The following CSMD1 variants were observed in gnomAD, a reference collection of about 807,000 sequenced individuals.
CSMD1 encodes the protein CUB and sushi domain-containing protein 1.
A neutral mutation model predicts 417.5 loss-of-function variants in CSMD1; 213 were observed. The observed-to-expected ratio is 0.51, with a 90% confidence interval of 0.46 to 0.57. CSMD1 has a LOEUF of 0.57. Among genes scored for constraint, CSMD1 ranks in the 20% least tolerant of loss-of-function variants. The probability of loss-of-function intolerance (pLI) is 0.00; values close to 1 mark genes in which losing one functional copy is unlikely to be tolerated. For missense variants in CSMD1, 6,923 were observed against 4,529.7 expected (o/e 1.53, Z -15.17); for synonymous variants, 2,862 against 1,736.8 (o/e 1.65, Z -16.11).
At position 4,533,501 on chromosome 8, in the gene CSMD1, A is replaced by G. The variant is rs532676440; in HGVS notation, c.302+103841T>C. 2.0e-5 allele frequency among the ~76,000 whole-genome samples: 3 copies of G among 152,106 alleles called. No homozygotes were observed. The South Asian group carries it at 6.2e-4, about 32-fold the overall frequency. ...TTATGCTCTTGGAGTTTATCAACCC[A>G]CTCTTGAAGAACATAGTACAGACCT... On this transcript the variant is annotated intron_variant, in intron 2 of 69. Coordinates refer to ENST00000635120, the MANE Select transcript of CSMD1 (RefSeq NM_033225.6).
intron 49 of CSMD1, among the ~76,000 whole-genome samples, chr8:3,081,020 T>C (rs889463681): frequency 6.6e-6 from 1 of 152,214 alleles, no homozygotes; most frequent in African/African-American, 2.4e-5. Context: ...CATATTTATC[T>C]TAGAAAGTGA....
intron 2 of CSMD1, among the ~76,000 whole-genome samples, chr8:4,548,034 G>T (rs865784857): frequency 2.4e-4 from 37 of 152,220 alleles, no homozygotes; most frequent in Admixed American, 7.2e-4. Flanking sequence ...AACATTGTGG[G>T]TTACAGCCAA....
rs565982124 is a variant in CSMD1 at position 3,723,057 on chromosome 8, G to A, written c.932-14566C>T. On this transcript the variant is annotated intron_variant, in intron 6 of 69. Transcript: ENST00000635120. ...TAACACTCAAGGAACTAGCGCAGCT[G>A]CTTTCTTCTCTTAGAGTCCTAAGGA... Among the ~76,000 whole-genome samples the A allele has an allele frequency of 5.3e-5, 8 of 152,298 alleles. No homozygotes were observed. In the South Asian group the frequency reaches 6.2e-4, roughly 12 times the overall value.
intron 9 of CSMD1, among the ~76,000 whole-genome samples, chr8:3,582,081 C>T (rs1162074251): frequency 6.6e-6 from 1 of 152,126 alleles, no homozygotes; most frequent in African/African-American, 2.4e-5. Context: ...AGGCGTGAGC[C>T]ACCGCGCTGG....
At chr8:3,393,447 T>C (rs1279099018) in intron 17 of CSMD1, among the ~76,000 whole-genome samples, 2 of 152,186 alleles carry the variant, frequency 1.3e-5, no homozygotes, top group Non-Finnish European at 2.9e-5. Flanking sequence ...TGGTGACAGT[T>C]TTCTTCTTCT....
At chr8:4,238,448 T>C (rs1802196512) in intron 3 of CSMD1, among the ~76,000 whole-genome samples, 1 of 152,114 alleles carries the variant, frequency 6.6e-6, no homozygotes, top group African/African-American at 2.4e-5. Context: ...GATTCCCTCA[T>C]GGACAAAGAT....
chr8:3,922,921 G>C (rs977128023), intron 5 of CSMD1, among the ~76,000 whole-genome samples: 2 of 152,216 alleles, frequency 1.3e-5, no homozygotes, highest in South Asian at 2.1e-4. Flanking sequence ...ACAAATAATG[G>C]TCAACAAATA....
At chr8:3,001,182 G>C (rs1409063254) in intron 52 of CSMD1, among the ~76,000 whole-genome samples, 4 of 151,958 alleles carry the variant, frequency 2.6e-5, no homozygotes, top group African/African-American at 4.8e-5. Flanking sequence ...TTTTAGTAGA[G>C]ATGGGGTCTC....
chr8:4,948,763 T>C (rs1471906382), intron 1 of CSMD1, among the ~76,000 whole-genome samples: 1 of 152,152 alleles, frequency 6.6e-6, no homozygotes, highest in Non-Finnish European at 1.5e-5. Context: ...AGTTTCTTTC[T>C]TTATAACCCT....
At chr8:4,744,827 A>T (rs193091428) in intron 1 of CSMD1, among the ~76,000 whole-genome samples, 37 of 152,284 alleles carry the variant, frequency 2.4e-4, no homozygotes, top group African/African-American at 8.7e-4. Context: ...AAACACCCAT[A>T]AGAAAGTATG....
chr8:4,718,451 T>C (rs1181909294), intron 1 of CSMD1, among the ~76,000 whole-genome samples: 3 of 152,098 alleles, frequency 2.0e-5, no homozygotes, highest in Non-Finnish European at 2.9e-5. Context: ...GAATGAAATC[T>C]TAGAAACATC....
intron 51 of CSMD1, among the ~76,000 whole-genome samples, chr8:3,019,695 C>T (rs1472815483): frequency 6.6e-6 from 1 of 152,152 alleles, no homozygotes; most frequent in Non-Finnish European, 1.5e-5. Flanking sequence ...AGTTATTGAT[C>T]GTGTCCATTT....
chr8:4,343,644 C>T (rs1225653624), intron 3 of CSMD1, among the ~76,000 whole-genome samples: 1 of 152,094 alleles, frequency 6.6e-6, no homozygotes, highest in Non-Finnish European at 1.5e-5. Flanking sequence ...AGCATGTGGT[C>T]ATCTCCTAGG....
At chr8:4,357,974 T>C (rs1801524970) in intron 3 of CSMD1, among the ~76,000 whole-genome samples, 1 of 152,134 alleles carries the variant, frequency 6.6e-6, no homozygotes, top group Non-Finnish European at 1.5e-5. Context: ...GAGACTCAGT[T>C]TAAGATGTAT....
chr8:4,381,762 T>G (rs1803120814), intron 3 of CSMD1, among the ~76,000 whole-genome samples: 1 of 152,092 alleles, frequency 6.6e-6, no homozygotes. Context: ...TTTTGTTTTG[T>G]TTTTGTTTTT....
At chr8:3,252,360 A>C (rs1800336159) in intron 26 of CSMD1, among the ~76,000 whole-genome samples, 1 of 152,226 alleles carries the variant, frequency 6.6e-6, no homozygotes. Context: ...ATGCTGGATT[A>C]CATTTATTGA....
At chr8:3,177,950 T>G (rs1254967722) in intron 37 of CSMD1, among the ~76,000 whole-genome samples, 1 of 152,260 alleles carries the variant, frequency 6.6e-6, no homozygotes, top group Non-Finnish European at 1.5e-5. Context: ...GTGACACTTG[T>G]GTTAATTCTC....
At chr8:3,608,087 G>C (rs754731371) in intron 8 of CSMD1, among the ~76,000 whole-genome samples, 1 of 149,806 alleles carries the variant, frequency 6.7e-6, no homozygotes. Context: ...CCGGAGAATT[G>C]TTTGAACCTG....
chr8:4,226,048 A>C (rs921123481), intron 3 of CSMD1, among the ~76,000 whole-genome samples: 20 of 148,206 alleles, frequency 1.3e-4, no homozygotes, highest in African/African-American at 4.5e-4. Context: ...GTAAGCTGGA[A>C]GGTTAGAGCT....
Sources: allele counts gnomAD v4.1 joint callset (sites outside exome capture counted in the v4.1 genomes callset), GRCh38; gene constraint gnomAD v4.1.1; transcripts MANE v1.5; gene names NCBI Gene and HGNC (gene_info 2026-07-23, HGNC 2026-07-21).